ZNF827: variants seen among roughly 807,000 people sequenced by gnomAD.
ZNF827 encodes zinc finger protein 827.
Under a neutral mutation model 102.4 loss-of-function variants are expected in ZNF827, and 13 were observed. The ratio of observed to expected loss-of-function variants is 0.13; its 90% CI spans 0.08 to 0.20. The LOEUF is 0.20. Ranked by LOEUF, ZNF827 falls within the 10% of genes least tolerant of loss-of-function variation. ZNF827 has a pLI of 1.00. For synonymous variants in ZNF827, 523 were observed against 536.2 expected (o/e 0.98, Z 0.34); for missense variants, 1,103 against 1,344.4 (o/e 0.82, Z 2.81).
intron 1 of ZNF827, among the ~76,000 whole-genome samples, chr4:145,907,582 C>A (rs1751968635): frequency 6.6e-6 from 1 of 152,184 alleles, no homozygotes; most frequent in Non-Finnish European, 1.5e-5. Context: ...CAGCACTGCA[C>A]AAGCCAAGGT....
At chr4:145,901,161 C>T (rs1282804826) in intron 2 of ZNF827, among the ~76,000 whole-genome samples, 1 of 152,202 alleles carries the variant, frequency 6.6e-6, no homozygotes, top group African/African-American at 2.4e-5. Context: ...CCCTCTTCAT[C>T]ATTGTTGCTG....
At chr4:145,895,035 G>C (rs575906294) in intron 2 of ZNF827, among the ~76,000 whole-genome samples, 1 of 152,204 alleles carries the variant, frequency 6.6e-6, no homozygotes, top group South Asian at 2.1e-4. Context: ...CAAAATAATA[G>C]GAAAGAGATA....
intron 1 of ZNF827, among the ~76,000 whole-genome samples, chr4:145,918,925 C>T (rs1567224): frequency 0.57 from 86,575 of 152,070 alleles, 28,068 homozygotes; most frequent in African/African-American, 0.88. Flanking sequence ...AATCATCTTA[C>T]TGGGGACTAA....
intron 1 of ZNF827, among the ~76,000 whole-genome samples, chr4:145,904,689 G>C (rs1235264267): frequency 6.6e-6 from 1 of 152,184 alleles, no homozygotes; most frequent in Non-Finnish European, 1.5e-5. Flanking sequence ...AGTGTGTGTT[G>C]GCATGTGTAT....
At position 145,926,472 on chromosome 4, in the gene ZNF827, T is replaced by C. The variant is rs190027253; in HGVS notation, c.43+11893A>G. 1.8e-3 allele frequency among the ~76,000 whole-genome samples: 267 copies of C among 152,354 alleles called. 2 individuals carry two copies. Among genetic ancestry groups the C allele is most frequent in the Non-Finnish European group, 3.1e-3 (213 of 68,036 alleles). On this transcript the variant is annotated intron_variant, in intron 1 of 14. Transcript: ENST00000508784. ...TCTGGGATTCAATACTATAGATGGGTTGAATCAGTTTGTAAGAGTGATGTT... is the reference window on the plus strand; with the variant it reads ...TCTGGGATTCAATACTATAGATGGGCTGAATCAGTTTGTAAGAGTGATGTT...
chr4:145,885,565 G>A (rs1750034168), intron 4 of ZNF827, 113 bp downstream of exon 4: 3 of 1,419,792 alleles, frequency 2.1e-6, no homozygotes, highest in Non-Finnish European at 2.8e-6. Context: ...AAATCATCTA[G>A]TTCTACCAGC....
chr4:145,924,613 A>C (rs574280933), intron 1 of ZNF827, among the ~76,000 whole-genome samples: 2 of 152,216 alleles, frequency 1.3e-5, no homozygotes, highest in South Asian at 4.1e-4. Flanking sequence ...CATCCACCTG[A>C]GTTTGGTTTT....
In ZNF827 at chr4:145,846,817, A is replaced by T. The variant is rs190911956; in HGVS notation, c.2222-804T>A. Among the ~76,000 whole-genome samples, 37 of 146,954 alleles carry T rather than the reference A, an allele frequency of 2.5e-4. No homozygotes were observed. In the East Asian group the frequency reaches 6.6e-3, roughly 26 times the overall value. ...GAGCAACAGAGCAAGACTCTGTCTC[A>T]AACAAACAAACAAACAAAAACACAA... is the stretch of plus-strand genomic sequence containing the variant. On this transcript the variant is annotated intron_variant, in intron 6 of 14. Coordinates refer to ENST00000508784, the MANE Select transcript of ZNF827 (RefSeq NM_001306215.2).
Position 145,762,484 on chromosome 4 carries a change from T to C in ZNF827, c.*17+606A>G, listed in dbSNP as rs1180561451. On this transcript the variant is annotated intron_variant, in intron 14 of 14. Transcript: ENST00000508784. This position sits in a 1 kb window ranked among gnomAD's most constrained non-coding sequence, Gnocchi z 4.9. Reference sequence around the variant, plus strand: ...TTTCCTCTGCATTCTCTGCAGTGCTTGGTAGAGTACTTAACACACGGTAAG... The same window carrying C: ...TTTCCTCTGCATTCTCTGCAGTGCTCGGTAGAGTACTTAACACACGGTAAG... 6.6e-6 allele frequency among the ~76,000 whole-genome samples: 1 copy of C among 152,228 alleles called. No individual in the cohort carries two copies. The highest frequency in any genetic ancestry group is 1.5e-5 in the Non-Finnish European group (1 of 68,040).
Position 145,925,140 on chromosome 4 carries a change from C to G in ZNF827, c.43+13225G>C, listed in dbSNP as rs557903916. ...CCATCAGATCTCATGAGACTATTCA[C>G]TATCACGAGAACACCACAGGAAAGA... On this transcript the variant is annotated intron_variant, in intron 1 of 14. Transcript: ENST00000508784. 2.6e-5 allele frequency among the ~76,000 whole-genome samples: 4 copies of G among 152,258 alleles called. No individual in the cohort carries two copies. In the South Asian group the frequency reaches 8.3e-4, roughly 32 times the overall value.
intron 1 of ZNF827, among the ~76,000 whole-genome samples, chr4:145,909,805 C>T (rs1157560294): frequency 3.3e-5 from 5 of 152,200 alleles, no homozygotes; most frequent in African/African-American, 4.8e-5. Context: ...CCTTTGTAGC[C>T]TGAGAGCCTT....
chr4:145,911,008 T>C (rs1158931820), intron 1 of ZNF827, among the ~76,000 whole-genome samples: 1 of 152,202 alleles, frequency 6.6e-6, no homozygotes, highest in African/African-American at 2.4e-5. Context: ...ATTTGTCCAA[T>C]GCATAAATGA....
chr4:145,836,188 T>G (rs1744816691), intron 7 of ZNF827, among the ~76,000 whole-genome samples: 1 of 151,650 alleles, frequency 6.6e-6, no homozygotes, highest in African/African-American at 2.4e-5. Context: ...TCGGCATAAT[T>G]CTCATAAAAA....
chr4:145,825,557 A>C (rs1347978287), intron 7 of ZNF827, among the ~76,000 whole-genome samples: 4 of 152,156 alleles, frequency 2.6e-5, no homozygotes, highest in Admixed American at 2.0e-4. Flanking sequence ...GTCGAAGAAG[A>C]GTTTAAAGGA....
chr4:145,826,670 T>C (rs1743713288), intron 7 of ZNF827, among the ~76,000 whole-genome samples: 1 of 152,262 alleles, frequency 6.6e-6, no homozygotes, highest in Non-Finnish European at 1.5e-5. Context: ...AATTAAACTT[T>C]ACCATATGTA....
chr4:145,904,522 A>AG (rs762965597), intron 1 of ZNF827, among the ~76,000 whole-genome samples: 27 of 152,344 alleles, frequency 1.8e-4, no homozygotes, highest in Non-Finnish European at 2.6e-4. Flanking sequence ...CCTTGGAGGA[A>AG]GTGAGAAACT....
At chr4:145,873,689 CA>C (rs1443166507) in intron 4 of ZNF827, among the ~76,000 whole-genome samples, 18 of 152,146 alleles carry the variant, frequency 1.2e-4, no homozygotes, top group Admixed American at 1.3e-4. Context: ...CAACGTCTAC[CA>C]GGAAGGTTGC....
chr4:145,898,809 A>T (rs1561055346), intron 2 of ZNF827, among the ~76,000 whole-genome samples: 2 of 151,606 alleles, frequency 1.3e-5, no homozygotes, highest in South Asian at 4.2e-4. Flanking sequence ...CTAAAAGACA[A>T]TTTTTTTTTC....
intron 10 of ZNF827, among the ~76,000 whole-genome samples, chr4:145,775,028 T>C (rs1474828087): frequency 6.6e-6 from 1 of 152,194 alleles, no homozygotes; most frequent in African/African-American, 2.4e-5. Flanking sequence ...TATTTAGTGG[T>C]GCCGGTCCAC....
Sources: gnomAD v4.1 joint callset for allele counts (sites outside exome capture counted in the v4.1 genomes callset) on GRCh38, gnomAD v4.1.1 for gene constraint, Gnocchi (gnomAD v3.1) non-coding constraint, MANE v1.5 for transcripts, NCBI Gene and HGNC (gene_info 2026-07-23, HGNC 2026-07-21) for gene names.